Variants in CHRM3 observed in about 807,000 individuals in gnomAD.
The protein encoded by CHRM3 is muscarinic acetylcholine receptor M3.
Under a neutral mutation model 41.8 loss-of-function variants are expected in CHRM3, and 11 were observed. The ratio of observed to expected loss-of-function variants is 0.26; its 90% confidence interval spans 0.17 to 0.44. The LOEUF is 0.44. Among genes scored for constraint, CHRM3 ranks in the 20% least tolerant of loss-of-function variants. The pLI is 1.00. For synonymous variants in CHRM3, 297 were observed against 301.4 expected, an observed-to-expected ratio of 0.99 and a Z score of 0.15; for missense variants, 571 against 745.4, an observed-to-expected ratio of 0.77 and a Z score of 2.72.
chr1:239,586,763 A>G (rs1436814310), intron 3 of CHRM3, among the ~76,000 whole-genome samples: 2 of 152,134 alleles, frequency 1.3e-5, no homozygotes, highest in Admixed American at 1.3e-4. Flanking sequence ...AGTTATAATT[A>G]TTTCCTGCAC....
chr1:239,793,215 C>G (rs1669489138), intron 5 of CHRM3, among the ~76,000 whole-genome samples: 1 of 152,218 alleles, frequency 6.6e-6, no homozygotes, highest in Admixed American at 6.5e-5. Context: ...TTTCATCATT[C>G]TCCAGGGAAT....
chr1:239,512,408 A>G (rs1024562679), intron 2 of CHRM3, among the ~76,000 whole-genome samples: 1 of 152,164 alleles, frequency 6.6e-6, no homozygotes, highest in Non-Finnish European at 1.5e-5. Flanking sequence ...GAAGGTGGCT[A>G]CAAGTAGGGC....
At chr1:239,429,403 A>T (rs1041232069) in intron 1 of CHRM3, among the ~76,000 whole-genome samples, 1 of 152,204 alleles carries the variant, frequency 6.6e-6, no homozygotes, top group South Asian at 2.1e-4. Context: ...GTGATAATAC[A>T]TGATTGTTAA....
At chr1:239,609,544 T>A (rs1460326206) in intron 3 of CHRM3, among the ~76,000 whole-genome samples, 1 of 152,224 alleles carries the variant, frequency 6.6e-6, no homozygotes, top group Non-Finnish European at 1.5e-5. Flanking sequence ...GGTAGGTATA[T>A]GTTTAAATTT....
intron 1 of CHRM3, among the ~76,000 whole-genome samples, chr1:239,401,684 G>A (rs1284586158): frequency 1.3e-5 from 2 of 151,888 alleles, no homozygotes. Context: ...GTAGAGTCGG[G>A]GTTTCACCAT....
At chr1:239,852,909 T>C (rs1395942199) in intron 6 of CHRM3, among the ~76,000 whole-genome samples, 1 of 152,150 alleles carries the variant, frequency 6.6e-6, no homozygotes, top group Admixed American at 6.6e-5. Flanking sequence ...GTAACTTTTG[T>C]TTACGTCTTT....
intron 5 of CHRM3, chr1:239,719,038 C>G (rs1427360409): frequency 6.6e-6 from 1 of 151,870 alleles, no homozygotes; most frequent in Non-Finnish European, 1.5e-5. Context: ...GAGAGAGGTC[C>G]AGTGTAGAAT....
chr1:239,409,861 G>C (rs1046929063), intron 1 of CHRM3, among the ~76,000 whole-genome samples: 1 of 152,180 alleles, frequency 6.6e-6, no homozygotes, highest in Admixed American at 6.5e-5. Context: ...AGAATCACTT[G>C]AACTGGGAGG....
intron 1 of CHRM3, among the ~76,000 whole-genome samples, chr1:239,399,464 A>G (rs116793831): frequency 0.012 from 1,788 of 152,152 alleles, 12 homozygotes; most frequent in Non-Finnish European, 0.019. Context: ...TTCATCCTAA[A>G]TGAAACTTTG....
chr1:239,728,425 G>A (rs558795424), intron 5 of CHRM3, among the ~76,000 whole-genome samples: 10 of 152,070 alleles, frequency 6.6e-5, no homozygotes, highest in African/African-American at 7.2e-5. Flanking sequence ...GAATCGTCTA[G>A]AAGACACCAT....
chr1:239,657,517 T>C (rs1353164538), intron 4 of CHRM3, among the ~76,000 whole-genome samples: 1 of 152,216 alleles, frequency 6.6e-6, no homozygotes, highest in Non-Finnish European at 1.5e-5. Context: ...TCAGCAGTTA[T>C]GCGCTTTGAT....
At chr1:239,698,061 T>C (rs1660359172) in intron 5 of CHRM3, among the ~76,000 whole-genome samples, 1 of 152,180 alleles carries the variant, frequency 6.6e-6, no homozygotes, top group Non-Finnish European at 1.5e-5. Context: ...TGAAGAATTA[T>C]TCATACACAG....
intron 1 of CHRM3, among the ~76,000 whole-genome samples, chr1:239,487,040 C>T (rs925838029): frequency 3.3e-5 from 5 of 152,144 alleles, no homozygotes; most frequent in East Asian, 1.9e-4. Flanking sequence ...GCAATAAAAG[C>T]TGATGCAGAA....
At chr1:239,554,481 C>T (rs1292502300) in intron 3 of CHRM3, among the ~76,000 whole-genome samples, 2 of 151,588 alleles carry the variant, frequency 1.3e-5, no homozygotes, top group South Asian at 2.1e-4. Flanking sequence ...TATGTGTGTG[C>T]ACGCACGCAG....
At chr1:239,678,503 A>T (rs563975353) in intron 5 of CHRM3, among the ~76,000 whole-genome samples, 1 of 152,320 alleles carries the variant, frequency 6.6e-6, no homozygotes, top group South Asian at 2.1e-4. Flanking sequence ...TGATAAGCTC[A>T]AATTAAGAAT....
At chr1:239,820,356 TG>T (rs972368263) in intron 5 of CHRM3, among the ~76,000 whole-genome samples, 1 of 152,134 alleles carries the variant, frequency 6.6e-6, no homozygotes, top group African/African-American at 2.4e-5. Flanking sequence ...GACAGTTGTC[TG>T]GGGCAAAGTC....
intron 2 of CHRM3, among the ~76,000 whole-genome samples, chr1:239,516,710 C>T (rs964891779): frequency 6.6e-6 from 1 of 152,166 alleles, no homozygotes; most frequent in African/African-American, 2.4e-5. Flanking sequence ...TCTGCTATGG[C>T]CTATTAGGAA....
intron 4 of CHRM3, among the ~76,000 whole-genome samples, chr1:239,663,308 A>C (rs1673449371): frequency 6.6e-6 from 1 of 152,136 alleles, no homozygotes; most frequent in African/African-American, 2.4e-5. Flanking sequence ...GTAACTCAAA[A>C]GAGTTTACAC....
intron 5 of CHRM3, among the ~76,000 whole-genome samples, chr1:239,698,129 C>T (rs148083511): frequency 3.3e-5 from 5 of 152,178 alleles, no homozygotes; most frequent in Admixed American, 6.5e-5. Context: ...TTGTTAAATT[C>T]GTTTTCTAAA....
Sources: allele counts gnomAD v4.1 joint callset (sites outside exome capture counted in the v4.1 genomes callset), GRCh38; gene constraint gnomAD v4.1.1; transcripts MANE v1.5; gene names NCBI Gene and HGNC (gene_info 2026-07-23, HGNC 2026-07-21).